The following BRWD1 variants were observed in gnomAD, a reference collection of about 807,000 sequenced individuals.
The protein encoded by BRWD1 is bromodomain and WD repeat domain containing 1, also known as bromodomain and WD repeat-containing protein 1.
BRWD1 carries 82 observed loss-of-function variants against 251.2 expected under a neutral mutation model. That is an observed-to-expected ratio of 0.33 (90% CI 0.27 to 0.39). BRWD1 has a LOEUF of 0.39. Ranked by LOEUF, BRWD1 falls within the 10% of genes least tolerant of loss-of-function variation. The probability of loss-of-function intolerance (pLI) is 1.00; values close to 1 mark genes in which losing one functional copy is unlikely to be tolerated. For synonymous variants in BRWD1, 918 were observed against 902.8 expected, an observed-to-expected ratio of 1.02 and a Z score of -0.30; for missense variants, 2,233 against 2,711.6, an observed-to-expected ratio of 0.82 and a Z score of 3.92.
chr21:39,195,772 T>A lies in BRWD1; in HGVS notation c.*487A>T. ...AAAAAAAAGTGGTAGGTACCTCGCCTACTAATCATGGTTACACCTCCCATG... is the reference window on the plus strand; with the variant it reads ...AAAAAAAAGTGGTAGGTACCTCGCCAACTAATCATGGTTACACCTCCCATG... On this transcript the variant is annotated 3_prime_UTR_variant, in exon 41 of 41. Transcript: ENST00000342449. 1.0e-6 allele frequency: 1 copy of A among 985,346 alleles called. No homozygotes were observed. Among genetic ancestry groups the A allele is most frequent in the African/African-American group, 1.7e-5 (1 of 57,262 alleles). 61.0% of individuals were successfully genotyped at this position (985,346 alleles called of 1,614,324 possible).
intron 8 of BRWD1, 54 bp from the exon 9 acceptor site, chr21:39,280,302 G>A: frequency 1.5e-6 from 2 of 1,370,796 alleles, no homozygotes; most frequent in Non-Finnish European, 2.0e-6. Flanking sequence ...TTAAGTTACA[G>A]TTTAATAGTC....
At chr21:39,297,449 C>G in intron 5 of BRWD1, 2 of 968,156 alleles carry the variant, frequency 2.1e-6, no homozygotes, top group Non-Finnish European at 2.5e-6. Flanking sequence ...CTGCTCATCA[C>G]AAAACAACGA....
chr21:39,278,701 TA>T (rs111898109), intron 10 of BRWD1, 41 bp downstream of exon 10: 7,581 of 1,069,318 alleles, frequency 7.1e-3, no homozygotes, highest in South Asian at 0.013. Context: ...AATAGATGTT[TA>T]AAAAAAAAAA....
chr21:39,295,175 GTTTTTTTTTTTT>G (rs869129436), intron 7 of BRWD1, among the ~76,000 whole-genome samples: 4 of 64,670 alleles, frequency 6.2e-5, no homozygotes, highest in African/African-American at 1.0e-4. Context: ...GTATGTCTAT[GTTTTTTTTTTTT>G]TTTTTTTTTT....
In BRWD1 at chr21:39,185,505, G is replaced by C. The variant is rs1362537330; in HGVS notation, c.*10754C>G. ...CCTAAAAGTAATAGCAGTTTATTAG[G>C]AATTCTTCCCTTTCTCACCTGTGTA... On this transcript the variant is annotated 3_prime_UTR_variant, in exon 41 of 41. Coordinates refer to ENST00000342449, the MANE Select transcript of BRWD1 (RefSeq NM_033656.4). 7.3e-6 allele frequency: 1 copy of C among 136,232 alleles called. No individual in the cohort carries two copies. The highest frequency in any genetic ancestry group is 1.7e-5 in the Non-Finnish European group (1 of 59,398). 8.4% of individuals were successfully genotyped at this position (136,232 alleles called of 1,614,324 possible).
At chr21:39,273,792 G>T (rs1432169299) in intron 13 of BRWD1, among the ~76,000 whole-genome samples, 1 of 152,108 alleles carries the variant, frequency 6.6e-6, no homozygotes, top group East Asian at 1.9e-4. Context: ...ATGATTTCCA[G>T]AAGACAAAAT....
chr21:39,295,708 G>C (rs1490920729), intron 7 of BRWD1, 35 bp downstream of exon 7: 2 of 1,501,214 alleles, frequency 1.3e-6, no homozygotes, highest in Admixed American at 1.9e-5. Context: ...AAGTACTCTA[G>C]ATGACATCAA....
chr21:39,264,801 C>T (rs1030527418), intron 16 of BRWD1, 90 bp downstream of exon 16: 7 of 1,542,490 alleles, frequency 4.5e-6, no homozygotes, highest in African/African-American at 1.4e-5. Context: ...CTCAGCTAAA[C>T]TGTTTCCAAA....
At chr21:39,198,182 G>A (rs2031920694) in intron 40 of BRWD1, among the ~76,000 whole-genome samples, 4 of 152,200 alleles carry the variant, frequency 2.6e-5, no homozygotes, top group South Asian at 2.1e-4. Context: ...TGTACCAGGG[G>A]TACAATCTTA....
chr21:39,188,562 G>A lies in BRWD1; in HGVS notation c.*7697C>T, dbSNP rs2146433696. On this transcript the variant is annotated 3_prime_UTR_variant, in exon 41 of 41. Transcript: ENST00000342449. ...CTTCTGTGAAGATGTTTGCCCTTCT[G>A]TCACAAAGCTGACTGAAGGGCAGAT... 1 of 985,376 alleles carries A rather than the reference G, an allele frequency of 1.0e-6. No individual in the cohort carries two copies. The highest frequency in any genetic ancestry group is 1.7e-5 in the African/African-American group (1 of 57,346). 61.0% of individuals were successfully genotyped at this position (985,376 alleles called of 1,614,324 possible).
chr21:39,238,690 G>C (rs1019396768), intron 21 of BRWD1, 117 bp from the exon 22 acceptor site: 8 of 658,038 alleles, frequency 1.2e-5, no homozygotes, highest in Non-Finnish European at 2.1e-5. Context: ...AAAATGAACA[G>C]TAATCAGTAA....
intron 4 of BRWD1, among the ~76,000 whole-genome samples, chr21:39,301,893 G>GGA (rs1555877781): frequency 6.0e-4 from 34 of 56,782 alleles, no homozygotes; most frequent in Non-Finnish European, 1.1e-3. Flanking sequence ...TTACTGTGCC[G>GGA]AAAAAAAAAA....
chr21:39,188,105 G>C lies in BRWD1; in HGVS notation c.*8154C>G, dbSNP rs1449758354. On this transcript the variant is annotated 3_prime_UTR_variant, in exon 41 of 41. Coordinates refer to ENST00000342449, the MANE Select transcript of BRWD1 (RefSeq NM_033656.4). ...ACCAAACTTAGGAGGGCTCAGATAT[G>C]TTTGTTACCAGTGTCTCAAAGCCAA... 1.0e-6 allele frequency: 1 copy of C among 985,418 alleles called. No homozygotes were observed. 61.0% of individuals were successfully genotyped at this position (985,418 alleles called of 1,614,324 possible).
chr21:39,258,401 C>T, intron 18 of BRWD1, 86 bp downstream of exon 18: 2 of 1,159,228 alleles, frequency 1.7e-6, no homozygotes, highest in Non-Finnish European at 2.4e-6. Flanking sequence ...AAGTTTCTCA[C>T]ATTACATGTA....
intron 1 of BRWD1, among the ~76,000 whole-genome samples, chr21:39,320,330 G>A (rs977608770): frequency 6.6e-6 from 1 of 152,098 alleles, no homozygotes; most frequent in Non-Finnish European, 1.5e-5. Context: ...TTAAGGAGTT[G>A]GGCTTCCCTT....
chr21:39,256,765 G>A (rs139970123), intron 18 of BRWD1, among the ~76,000 whole-genome samples: 47 of 152,310 alleles, frequency 3.1e-4, no homozygotes, highest in Admixed American at 7.8e-4. Context: ...AAAACTGAGG[G>A]TGATATTGAT....
rs1349756318 is a variant in BRWD1, at chr21:39,236,647, G to A, written c.2714C>T (p.Ser905Phe). Residue 905 changes from serine to phenylalanine, a missense_variant, in exon 23 of 41, where the codon TCT becomes TTT. Around this residue, in one of 12 missense-constraint regions of BRWD1, gnomAD observed 214 missense variants for 222.0 expected, o/e 0.96. Transcript: ENST00000342449. ...SEDEISTENL[S>F]PPKRRRKRKK... ...TCTCTTTCGTCTTCTTTTTGGAGGA[G>A]ATAAATTCTCAGTAGATATTTCATC... 5 of 1,612,662 alleles carry A rather than the reference G, an allele frequency of 3.1e-6. No individual in the cohort carries two copies. The highest frequency in any genetic ancestry group is 8.5e-7 in the Non-Finnish European group (1 of 1,179,392).
intron 11 of BRWD1, 43 bp downstream of exon 11, chr21:39,277,208 T>C (rs2035306196): frequency 6.4e-6 from 9 of 1,409,440 alleles, no homozygotes; most frequent in African/African-American, 1.4e-5. Flanking sequence ...ACAGGAATAG[T>C]ATTAACAATT....
intron 16 of BRWD1, 76 bp from the exon 17 acceptor site, chr21:39,264,761 T>C: frequency 1.3e-6 from 2 of 1,494,380 alleles, no homozygotes; most frequent in Non-Finnish European, 1.8e-6. Flanking sequence ...AACAGTTAAT[T>C]AAAACTAGAA....
Sources: gnomAD v4.1 joint callset for allele counts (sites outside exome capture counted in the v4.1 genomes callset) on GRCh38, gnomAD v4.1.1 for gene constraint, gnomAD v4.1.1 regional missense constraint, MANE v1.5 for transcripts, NCBI Gene and HGNC (gene_info 2026-07-23, HGNC 2026-07-21) for gene names.